Variants in SUGCT observed in about 807,000 individuals in gnomAD.
SUGCT encodes succinyl-CoA:glutarate CoA-transferase.
A neutral mutation model predicts 55.0 loss-of-function variants in SUGCT; 41 were observed. The observed-to-expected ratio is 0.74, with a 90% CI of 0.58 to 0.97. SUGCT has a LOEUF of 0.97. Among genes scored for constraint, SUGCT ranks in the 50% least tolerant of loss-of-function variants. SUGCT has a pLI of 0.00. For missense variants in SUGCT, 568 were observed against 547.8 expected, an observed-to-expected ratio of 1.04 and a Z score of -0.37; for synonymous variants, 187 against 200.4, an observed-to-expected ratio of 0.93 and a Z score of 0.56.
At position 40,335,034 on chromosome 7, in the gene SUGCT, C is replaced by G. The variant is rs551219920; in HGVS notation, c.816+18179C>G. Among the ~76,000 whole-genome samples, 72 of 152,178 alleles carry G rather than the reference C, an allele frequency of 4.7e-4. No individual in the cohort carries two copies. The Middle Eastern group carries it at 0.01, about 22-fold the overall frequency. The stretch of plus-strand genomic sequence containing the variant: ...AATCCTTTCCCCATTTCTTGTTTTT[C>G]TCAGGTTTGTCAAAGATCAGATGGT... On this transcript the variant is annotated intron_variant, in intron 9 of 13. Transcript: ENST00000335693.
At chr7:40,770,877 C>T (rs375336622) in intron 13 of SUGCT, among the ~76,000 whole-genome samples, 17 of 152,264 alleles carry the variant, frequency 1.1e-4, no homozygotes, top group African/African-American at 3.9e-4. Flanking sequence ...GCCTTTATAA[C>T]CTTGGAGACA....
rs1295860282 is a variant in SUGCT, at chr7:40,223,122, A to G, written c.485-14513A>G. Among the ~76,000 whole-genome samples the G allele has an allele frequency of 5.4e-5, 8 of 148,462 alleles. 1 individual carries two copies. The Admixed American group carries it at 5.4e-4, about 10-fold the overall frequency. On this transcript the variant is annotated intron_variant, in intron 6 of 13. Coordinates refer to ENST00000335693, the MANE Select transcript of SUGCT (RefSeq NM_001193313.2). ...GTTGCACAGGCTGGAGTGCAGTGGCATGATCTCGGCTCACCGCAACCTCCG... is the reference window on the plus strand; with the variant it reads ...GTTGCACAGGCTGGAGTGCAGTGGCGTGATCTCGGCTCACCGCAACCTCCG...
intron 9 of SUGCT, among the ~76,000 whole-genome samples, chr7:40,403,966 G>T (rs558367037): frequency 6.6e-6 from 1 of 152,222 alleles, no homozygotes; most frequent in East Asian, 1.9e-4. Context: ...TTACATTCTT[G>T]GGCATTTGTA....
chr7:40,473,157 A>G (rs1790487521), intron 11 of SUGCT, among the ~76,000 whole-genome samples: 1 of 152,202 alleles, frequency 6.6e-6, no homozygotes, highest in South Asian at 2.1e-4. Flanking sequence ...GACTTCTGCC[A>G]TAAGTAGCCG....
chr7:40,701,838 A>T (rs1196769816), intron 12 of SUGCT, among the ~76,000 whole-genome samples: 1 of 152,204 alleles, frequency 6.6e-6, no homozygotes, highest in Non-Finnish European at 1.5e-5. Context: ...TTGGGGAAGA[A>T]GTTCTTATGT....
At chr7:40,852,731 C>T (rs1225520765) in intron 13 of SUGCT, among the ~76,000 whole-genome samples, 2 of 152,108 alleles carry the variant, frequency 1.3e-5, no homozygotes, top group East Asian at 3.9e-4. Flanking sequence ...ATCAGCTTGG[C>T]CTCCTCTGCA....
At chr7:40,360,766 A>G (rs1271037118) in intron 9 of SUGCT, among the ~76,000 whole-genome samples, 1 of 152,168 alleles carries the variant, frequency 6.6e-6, no homozygotes, top group African/African-American at 2.4e-5. Flanking sequence ...ATGTTATGAA[A>G]TTCAAACACT....
Position 40,189,609 on chromosome 7 carries a change from A to G in SUGCT, c.363+15A>G. The G allele has an allele frequency of 7.2e-7, 1 of 1,382,816 alleles. No individual in the cohort carries two copies. The highest frequency in any genetic ancestry group is 2.7e-5 in the East Asian group (1 of 36,364). 85.7% of individuals were successfully genotyped at this position (1,382,816 alleles called of 1,614,324 possible). A position where few individuals can be genotyped will look rare whatever the true frequency, so the allele number is the denominator to read the frequency against. On this transcript the variant is annotated intron_variant, in intron 5 of 13. Transcript: ENST00000335693. Reference sequence around the variant, plus strand: ...TCATCAAAGAGGTACAGTATGATGTATAGAAAGCATCCTACCACCTAGGTT... The same window carrying G: ...TCATCAAAGAGGTACAGTATGATGTGTAGAAAGCATCCTACCACCTAGGTT...
At chr7:40,480,198 G>A (rs576500337) in intron 11 of SUGCT, among the ~76,000 whole-genome samples, 4 of 151,960 alleles carry the variant, frequency 2.6e-5, no homozygotes, top group Admixed American at 2.0e-4. Flanking sequence ...TTTTGTGTAC[G>A]GTGTCAGATA....
At chr7:40,406,423 A>T (rs1786374499) in intron 9 of SUGCT, among the ~76,000 whole-genome samples, 1 of 152,146 alleles carries the variant, frequency 6.6e-6, no homozygotes, top group Admixed American at 6.5e-5. Flanking sequence ...GGATGGGTTC[A>T]TTTTGGGGAG....
chr7:40,882,950 C>G, the SUGCT span, among the ~76,000 whole-genome samples: 4 of 152,132 alleles, frequency 2.6e-5, no homozygotes, highest in African/African-American at 9.7e-5. Flanking sequence ...CTTTGAAAAC[C>G]TTTCTATGCT....
intron 8 of SUGCT, among the ~76,000 whole-genome samples, chr7:40,275,266 T>G (rs1315397764): frequency 4.6e-5 from 7 of 152,340 alleles, no homozygotes; most frequent in Non-Finnish European, 5.9e-5. Context: ...TAACTTACTT[T>G]GACTTGTTTC....
chr7:40,223,200 A>G (rs1788143713), intron 6 of SUGCT, among the ~76,000 whole-genome samples: 2 of 152,078 alleles, frequency 1.3e-5, no homozygotes, highest in Non-Finnish European at 2.9e-5. Context: ...AGCTGGGGCT[A>G]CAGGTGCCCA....
the SUGCT span, among the ~76,000 whole-genome samples, chr7:40,953,754 CTGCAGAACAGCAAATAT>C: frequency 6.6e-6 from 1 of 152,232 alleles, no homozygotes; most frequent in South Asian, 2.1e-4. Context: ...GCAGCGGAGG[CTGCAGAACAGCAAATAT>C]TGCTGAACAG....
chr7:40,843,346 C>T (rs1793374560), intron 13 of SUGCT, among the ~76,000 whole-genome samples: 1 of 151,824 alleles, frequency 6.6e-6, no homozygotes, highest in Non-Finnish European at 1.5e-5. Context: ...CCCGTCTCTA[C>T]TAAAAATACC....
At chr7:40,535,257 A>G (rs1351797357) in intron 12 of SUGCT, among the ~76,000 whole-genome samples, 1 of 152,176 alleles carries the variant, frequency 6.6e-6, no homozygotes, top group Non-Finnish European at 1.5e-5. Context: ...TGATTCCATC[A>G]GCCGGGTGCT....
the SUGCT span, among the ~76,000 whole-genome samples, chr7:40,871,493 G>A: frequency 6.6e-6 from 1 of 152,204 alleles, no homozygotes; most frequent in African/African-American, 2.4e-5. Context: ...GCCACATGGA[G>A]CAGAAGAACC....
rs375923766 is a variant in SUGCT at position 40,237,739 on chromosome 7, C to T, written c.576+13C>T. 3 of 1,604,678 alleles carry T rather than the reference C, an allele frequency of 1.9e-6. No individual in the cohort carries two copies. The highest frequency in any genetic ancestry group is 2.6e-6 in the Non-Finnish European group (3 of 1,171,704). Reference sequence around the variant, plus strand: ...CACAGGGCCTGAGGTAGGTATCCTTCCTTAGAATATTCATAATTTCTTCCC... The same window carrying T: ...CACAGGGCCTGAGGTAGGTATCCTTTCTTAGAATATTCATAATTTCTTCCC... On this transcript the variant is annotated intron_variant, in intron 7 of 13. Coordinates refer to ENST00000335693, the MANE Select transcript of SUGCT (RefSeq NM_001193313.2).
At chr7:40,858,528 G>A (rs1173532219) in intron 13 of SUGCT, among the ~76,000 whole-genome samples, 4 of 152,104 alleles carry the variant, frequency 2.6e-5, no homozygotes, top group African/African-American at 9.6e-5. Context: ...ACTTCAGGAG[G>A]CATATATTGC....
Sources: gnomAD v4.1 joint callset for allele counts (sites outside exome capture counted in the v4.1 genomes callset) on GRCh38, gnomAD v4.1.1 for gene constraint, MANE v1.5 for transcripts, NCBI Gene and HGNC (gene_info 2026-07-23, HGNC 2026-07-21) for gene names.